TAFA2: variants seen among roughly 807,000 people sequenced by gnomAD.
TAFA2 encodes chemokine-like protein TAFA-2.
TAFA2 carries 7 observed loss-of-function variants against 18.8 expected under a neutral mutation model. That is an observed-to-expected ratio of 0.37 (90% CI 0.21 to 0.70). The LOEUF (loss-of-function observed/expected upper bound fraction) is 0.70. TAFA2 is among the 30% of genes least tolerant of loss of function. The pLI, the probability that TAFA2 is intolerant of heterozygous loss-of-function variation, is 0.53. For missense variants in TAFA2, 122 were observed against 158.1 expected (o/e 0.77, Z 1.23); for synonymous variants, 60 against 54.2 (o/e 1.11, Z -0.47).
At chr12:61,880,986 C>A (rs1165543168) in intron 1 of TAFA2, among the ~76,000 whole-genome samples, 6 of 152,034 alleles carry the variant, frequency 3.9e-5, no homozygotes, top group African/African-American at 9.7e-5. Context: ...CCAAAATAAA[C>A]CCTCAGCTAG....
intron 1 of TAFA2, among the ~76,000 whole-genome samples, chr12:62,016,390 AAC>A (rs1240044310): frequency 6.6e-6 from 1 of 152,200 alleles, no homozygotes; most frequent in African/African-American, 2.4e-5. Flanking sequence ...TCACCTCCAA[AAC>A]ACAAAGAAAT....
At position 61,883,904 on chromosome 12, in the gene TAFA2, A is replaced by C. The variant is rs188271934; in HGVS notation, c.-1-16478T>G. ...ACTGAATGAACAGATTTTTCTGAAT[A>C]CCAGTTACTCCACAGTTTTGATTGT... On this transcript the variant is annotated intron_variant, in intron 1 of 4. Transcript: ENST00000416284. 3.1e-3 allele frequency among the ~76,000 whole-genome samples: 478 copies of C among 152,348 alleles called. 4 individuals are homozygous for C. The highest frequency in any genetic ancestry group is 0.011 in the African/African-American group (456 of 41,584).
chr12:62,162,054 T>C (rs2062410509), intron 1 of TAFA2, among the ~76,000 whole-genome samples: 1 of 152,202 alleles, frequency 6.6e-6, no homozygotes, highest in Non-Finnish European at 1.5e-5. Context: ...CTCTGTCTCT[T>C]TGAAATGTAT....
intron 1 of TAFA2, among the ~76,000 whole-genome samples, chr12:62,033,728 C>T (rs930422870): frequency 2.6e-5 from 4 of 151,770 alleles, no homozygotes; most frequent in South Asian, 2.1e-4. Context: ...GTTATATACT[C>T]ATATATGAGT....
chr12:62,244,152 A>AAAAAC (rs2062874387), intron 1 of TAFA2, among the ~76,000 whole-genome samples: 1 of 151,706 alleles, frequency 6.6e-6, no homozygotes, highest in African/African-American at 2.4e-5. Context: ...AAAAACAAAG[A>AAAAAC]AAACTAAAAA....
chr12:61,884,334 T>C (rs1352007261), intron 1 of TAFA2, among the ~76,000 whole-genome samples: 1 of 152,166 alleles, frequency 6.6e-6, no homozygotes, highest in Non-Finnish European at 1.5e-5. Flanking sequence ...GTAAAATCTA[T>C]ACAAACCCTT....
At chr12:61,807,855 T>C (rs1034253811) in intron 2 of TAFA2, among the ~76,000 whole-genome samples, 10 of 151,554 alleles carry the variant, frequency 6.6e-5, no homozygotes, top group African/African-American at 2.2e-4. Context: ...TTGGAATGGC[T>C]ATATTTACCC....
chr12:61,760,422 A>G (rs79864384), intron 2 of TAFA2, among the ~76,000 whole-genome samples: 7,480 of 147,090 alleles, frequency 0.051, 326 homozygotes, highest in East Asian at 0.22. Context: ...GATACTTCAA[A>G]GAAGGAAATT....
At chr12:61,940,030 G>C (rs1404505146) in intron 1 of TAFA2, among the ~76,000 whole-genome samples, 2 of 152,150 alleles carry the variant, frequency 1.3e-5, no homozygotes, top group Non-Finnish European at 2.9e-5. Flanking sequence ...CAATAGCCTG[G>C]TACTTAGCAT....
At chr12:61,990,337 A>T (rs1385475271) in intron 1 of TAFA2, among the ~76,000 whole-genome samples, 4 of 108,192 alleles carry the variant, frequency 3.7e-5, no homozygotes, top group Non-Finnish European at 3.4e-5. Flanking sequence ...CACTGTGCCA[A>T]TTTTTTTTTT....
chr12:61,961,237 C>G (rs1245497040), intron 1 of TAFA2, among the ~76,000 whole-genome samples: 2 of 151,824 alleles, frequency 1.3e-5, no homozygotes, highest in Non-Finnish European at 2.9e-5. Flanking sequence ...GGAAATCCAC[C>G]CCCATGATCC....
intron 1 of TAFA2, among the ~76,000 whole-genome samples, chr12:61,925,155 C>A (rs1010970397): frequency 6.6e-6 from 1 of 152,184 alleles, no homozygotes; most frequent in Non-Finnish European, 1.5e-5. Flanking sequence ...TAACACCCCA[C>A]TGTCAATATT....
intron 1 of TAFA2, chr12:61,880,377 A>G: frequency 1.9e-6 from 1 of 526,962 alleles, no homozygotes; most frequent in Non-Finnish European, 3.8e-6. Context: ...GCCAACACCA[A>G]GCTGTTGGAG....
intron 1 of TAFA2, among the ~76,000 whole-genome samples, chr12:61,936,277 C>T (rs1454626392): frequency 6.6e-6 from 1 of 152,104 alleles, no homozygotes; most frequent in East Asian, 1.9e-4. Context: ...CAAAATCCAG[C>T]ATCCCTTGGC....
chr12:62,147,326 GTATATATA>G (rs1219861920), intron 1 of TAFA2, among the ~76,000 whole-genome samples: 33 of 19,546 alleles, frequency 1.7e-3, no homozygotes, highest in African/African-American at 4.0e-3. Flanking sequence ...GTGTATGTAT[GTATATATA>G]TATATATATA....
chr12:62,234,612 G>A, intron 1 of TAFA2: 2 of 820,200 alleles, frequency 2.4e-6, no homozygotes, highest in South Asian at 2.7e-5. Flanking sequence ...GCACAAATAG[G>A]GCCTCTCACC....
At chr12:62,075,065 T>A (rs1266744970) in intron 1 of TAFA2, among the ~76,000 whole-genome samples, 1 of 152,214 alleles carries the variant, frequency 6.6e-6, no homozygotes, top group Admixed American at 6.5e-5. Context: ...TGGACATAAA[T>A]GTTATTACAT....
At chr12:61,907,092 A>G (rs1340598694) in intron 1 of TAFA2, among the ~76,000 whole-genome samples, 2 of 152,242 alleles carry the variant, frequency 1.3e-5, no homozygotes, top group Admixed American at 1.3e-4. Flanking sequence ...GTGATAGAAA[A>G]GAAAAACCCA....
At chr12:61,910,861 ATC>A (rs1242955562) in intron 1 of TAFA2, among the ~76,000 whole-genome samples, 1 of 152,174 alleles carries the variant, frequency 6.6e-6, no homozygotes, top group East Asian at 1.9e-4. Context: ...ATTCCGAACC[ATC>A]TGTGTTTCTT....
Sources: gnomAD v4.1 joint callset for allele counts (sites outside exome capture counted in the v4.1 genomes callset) on GRCh38, gnomAD v4.1.1 for gene constraint, MANE v1.5 for transcripts, NCBI Gene and HGNC (gene_info 2026-07-23, HGNC 2026-07-21) for gene names.